NCAM1: variants seen among roughly 807,000 people sequenced by gnomAD.
NCAM1 encodes neural cell adhesion molecule 1.
Under a neutral mutation model 109.8 loss-of-function variants are expected in NCAM1, and 14 were observed. The ratio of observed to expected loss-of-function variants is 0.13; its 90% CI spans 0.08 to 0.20. The LOEUF is 0.20. NCAM1 is among the 10% of genes least tolerant of loss of function. The pLI, the probability that NCAM1 is intolerant of heterozygous loss-of-function variation, is 1.00. For synonymous variants in NCAM1, 418 were observed against 442.9 expected, an observed-to-expected ratio of 0.94 and a Z score of 0.70; for missense variants, 774 against 1,109.9, an observed-to-expected ratio of 0.70 and a Z score of 4.30.
chr11:112,961,531 C>A lies in NCAM1; in HGVS notation c.-82C>A. The A allele has an allele frequency of 1.1e-6, 1 of 916,250 alleles. No homozygotes were observed. Among genetic ancestry groups the A allele is most frequent in the Non-Finnish European group, 1.8e-6 (1 of 543,402 alleles). The allele number at this position is 916,250 out of a possible 1,614,324, so 56.8% of individuals were successfully genotyped here. A position where few individuals can be genotyped will look rare whatever the true frequency, so the allele number is the denominator to read the frequency against. The stretch of plus-strand genomic sequence containing the variant: ...ATTGTCTGCCCCTAGGTCTGTCGCT[C>A]AGCCGCCGTCCACACTCGCTGCAGG... On this transcript the variant is annotated 5_prime_UTR_variant, in exon 1 of 20. Coordinates refer to ENST00000316851, the MANE Select transcript of NCAM1 (RefSeq NM_181351.5).
At chr11:113,264,534 C>T in intron 17 of NCAM1, 1 of 985,610 alleles carries the variant, frequency 1.0e-6, no homozygotes, top group Middle Eastern at 5.2e-4. Flanking sequence ...CAGGGCAGAG[C>T]ATAAGGATCC....
At chr11:113,047,751 T>G (rs182846818) in intron 1 of NCAM1, among the ~76,000 whole-genome samples, 37 of 152,146 alleles carry the variant, frequency 2.4e-4, no homozygotes, top group Non-Finnish European at 4.6e-4. Context: ...AACAGGTCCT[T>G]CTTCACATGG....
At chr11:113,114,360 T>A (rs1264395115) in intron 1 of NCAM1, among the ~76,000 whole-genome samples, 14 of 152,170 alleles carry the variant, frequency 9.2e-5, no homozygotes, top group African/African-American at 3.4e-4. Flanking sequence ...TGACTCCACA[T>A]TGGTAACCAG....
chr11:113,028,206 A>T (rs1232358910), intron 1 of NCAM1, among the ~76,000 whole-genome samples: 1 of 152,244 alleles, frequency 6.6e-6, no homozygotes, highest in African/African-American at 2.4e-5. Flanking sequence ...CCACAAAAAA[A>T]TAAAGGTTTG....
At position 113,113,568 on chromosome 11, in the gene NCAM1, C is replaced by T. The variant is rs141780317; in HGVS notation, c.53-88811C>T. ...CAGTTCTGTCCCATCAATAGGCTCT[C>T]AGGAATGTCCTAAATTGGCAATCTG... is the stretch of plus-strand genomic sequence containing the variant. On this transcript the variant is annotated intron_variant, in intron 1 of 19. Transcript: ENST00000316851. Among the ~76,000 whole-genome samples the T allele has an allele frequency of 7.0e-4, 107 of 152,278 alleles. 2 individuals carry two copies. Among genetic ancestry groups the T allele is most frequent in the African/African-American group, 2.5e-3 (102 of 41,576 alleles).
intron 1 of NCAM1, among the ~76,000 whole-genome samples, chr11:112,974,970 C>CT (rs1160574741): frequency 6.6e-6 from 1 of 151,878 alleles, no homozygotes; most frequent in African/African-American, 2.4e-5. Flanking sequence ...CTTTTAAAAT[C>CT]TTTTTTGAAG....
chr11:113,224,783 G>A (rs761695385), intron 9 of NCAM1, among the ~76,000 whole-genome samples: 19 of 152,166 alleles, frequency 1.2e-4, no homozygotes, highest in South Asian at 2.1e-4. Flanking sequence ...ACCAATATTC[G>A]CTGTTCTGCA....
intron 1 of NCAM1, among the ~76,000 whole-genome samples, chr11:113,002,800 C>G (rs1312905594): frequency 6.6e-6 from 1 of 152,208 alleles, no homozygotes; most frequent in Non-Finnish European, 1.5e-5. Flanking sequence ...GTGAAATTTC[C>G]TGGAAGTCTC....
At chr11:113,090,237 G>A (rs1555089104) in intron 1 of NCAM1, among the ~76,000 whole-genome samples, 1 of 152,166 alleles carries the variant, frequency 6.6e-6, no homozygotes, top group African/African-American at 2.4e-5. Flanking sequence ...ACTGTTGGTT[G>A]TTTGTTTCAG....
intron 1 of NCAM1, among the ~76,000 whole-genome samples, chr11:113,147,892 C>T (rs371948105): frequency 6.6e-6 from 1 of 152,074 alleles, no homozygotes; most frequent in Non-Finnish European, 1.5e-5. Context: ...GTTGTCTGTC[C>T]GTGGCCACTA....
At chr11:112,987,464 T>C (rs1463630106) in intron 1 of NCAM1, among the ~76,000 whole-genome samples, 1 of 152,178 alleles carries the variant, frequency 6.6e-6, no homozygotes, top group African/African-American at 2.4e-5. Flanking sequence ...CTGGACGATC[T>C]AGCCATTGTT....
chr11:112,990,700 G>T (rs782339074), intron 1 of NCAM1, among the ~76,000 whole-genome samples: 13 of 152,086 alleles, frequency 8.5e-5, no homozygotes, highest in Admixed American at 5.9e-4. Context: ...CTGGGTCCCA[G>T]GGTGAATGGT....
Position 113,002,365 on chromosome 11 carries a change from A to G in NCAM1, c.52+40701A>G, listed in dbSNP as rs75828671. On this transcript the variant is annotated intron_variant, in intron 1 of 19. Coordinates refer to ENST00000316851, the MANE Select transcript of NCAM1 (RefSeq NM_181351.5). ...CTGCTGGCCTTAGTGAAACAAAAAC[A>G]TCCTGTTTAATTGAATCTTATCAAT... is the stretch of plus-strand genomic sequence containing the variant. Among the ~76,000 whole-genome samples, 200 of 152,340 alleles carry G rather than the reference A, an allele frequency of 1.3e-3. 1 individual carries two copies. Among genetic ancestry groups the G allele is most frequent in the African/African-American group, 4.6e-3 (192 of 41,590 alleles).
At chr11:113,055,625 C>A (rs1555082415) in intron 1 of NCAM1, among the ~76,000 whole-genome samples, 1 of 152,106 alleles carries the variant, frequency 6.6e-6, no homozygotes, top group Non-Finnish European at 1.5e-5. Flanking sequence ...TCCAAGATGG[C>A]CCCTGTGATC....
chr11:113,044,455 C>T (rs975497881), intron 1 of NCAM1, among the ~76,000 whole-genome samples: 8 of 152,002 alleles, frequency 5.3e-5, no homozygotes, highest in Non-Finnish European at 5.9e-5. Context: ...GAGGCTGAGG[C>T]GGGCCGATCA....
In NCAM1 at chr11:113,205,514, A is replaced by G. The variant is rs782124790; in HGVS notation, c.347-9A>G. On this transcript the variant is annotated splice_polypyrimidine_tract_variant and intron_variant, in intron 3 of 19. Transcript: ENST00000316851. Reference sequence around the variant, plus strand: ...GCTGTTTTCCCTCACTCTTCTGTTCATCTTCCAGAGAAGCTCATGTTCAAG... The same window carrying G: ...GCTGTTTTCCCTCACTCTTCTGTTCGTCTTCCAGAGAAGCTCATGTTCAAG... The G allele has an allele frequency of 1.2e-6, 2 of 1,608,906 alleles. No individual in the cohort carries two copies. The highest frequency in any genetic ancestry group is 1.7e-6 in the Non-Finnish European group (2 of 1,177,992).
At chr11:112,990,570 G>T (rs1247535364) in intron 1 of NCAM1, among the ~76,000 whole-genome samples, 1 of 152,170 alleles carries the variant, frequency 6.6e-6, no homozygotes, top group Non-Finnish European at 1.5e-5. Flanking sequence ...AGATCAGCTG[G>T]ACTGATCTCA....
intron 1 of NCAM1, among the ~76,000 whole-genome samples, chr11:113,161,298 G>A (rs1017275947): frequency 6.6e-6 from 1 of 152,100 alleles, no homozygotes; most frequent in Non-Finnish European, 1.5e-5. Context: ...TCTTCAGAAC[G>A]TTTCATTTCT....
chr11:113,255,843 T>A, intron 15 of NCAM1, 34 bp from the exon 16 acceptor site: 2 of 1,608,970 alleles, frequency 1.2e-6, no homozygotes, highest in Non-Finnish European at 1.7e-6. Context: ...ATTCTGTGGA[T>A]GAGAATTTCA....
Sources: allele counts gnomAD v4.1 joint callset (sites outside exome capture counted in the v4.1 genomes callset), GRCh38; gene constraint gnomAD v4.1.1; transcripts MANE v1.5; gene names NCBI Gene and HGNC (gene_info 2026-07-23, HGNC 2026-07-21).